SLC35F4: variants seen among roughly 807,000 people sequenced by gnomAD.
SLC35F4 encodes chromosome 14 open reading frame 36.
In SLC35F4, 24 loss-of-function variants were observed where a neutral mutation model predicts 44.2. The observed-to-expected ratio is 0.54, with a 90% CI of 0.39 to 0.76. The LOEUF (loss-of-function observed/expected upper bound fraction) is 0.76, where lower values mean the gene tolerates loss of function less well. Ranked by LOEUF, SLC35F4 falls within the 30% of genes least tolerant of loss-of-function variation. The pLI, the probability that SLC35F4 is intolerant of heterozygous loss-of-function variation, is 0.00. For missense variants in SLC35F4, 562 were observed against 586.1 expected (o/e 0.96, Z 0.42); for synonymous variants, 238 against 223.6 (o/e 1.06, Z -0.57).
intron 1 of SLC35F4, among the ~76,000 whole-genome samples, chr14:57,747,277 C>T (rs2076780171): frequency 6.6e-6 from 1 of 152,150 alleles, no homozygotes; most frequent in South Asian, 2.1e-4. Flanking sequence ...TGCTGGGCTT[C>T]ATGCCATCAG....
At chr14:57,689,603 A>G (rs1172867318) in intron 1 of SLC35F4, among the ~76,000 whole-genome samples, 1 of 152,048 alleles carries the variant, frequency 6.6e-6, no homozygotes, top group East Asian at 1.9e-4. Flanking sequence ...AGAATTTTCA[A>G]TGGCTACCTA....
At chr14:57,733,132 C>T (rs1003377438) in intron 1 of SLC35F4, among the ~76,000 whole-genome samples, 1 of 152,100 alleles carries the variant, frequency 6.6e-6, no homozygotes, top group Non-Finnish European at 1.5e-5. Flanking sequence ...TACTGTTTAG[C>T]TTGGGCACTG....
chr14:57,618,149 C>T (rs1566690278), intron 1 of SLC35F4, among the ~76,000 whole-genome samples: 3 of 152,106 alleles, frequency 2.0e-5, no homozygotes, highest in African/African-American at 7.2e-5. Flanking sequence ...ATGAGTAAAA[C>T]CAATTGATCA....
chr14:57,859,646 G>A (rs539962371), intron 1 of SLC35F4, among the ~76,000 whole-genome samples: 1 of 152,292 alleles, frequency 6.6e-6, no homozygotes, highest in East Asian at 1.9e-4. Flanking sequence ...CATCTGCACT[G>A]TAGGGAAGTA....
At chr14:57,839,598 A>T (rs1404475360) in intron 1 of SLC35F4, among the ~76,000 whole-genome samples, 2 of 152,096 alleles carry the variant, frequency 1.3e-5, no homozygotes, top group Non-Finnish European at 2.9e-5. Context: ...GGGCCTTTTC[A>T]GGGAGGCGGG....
At chr14:57,748,338 G>A (rs1278193840) in intron 1 of SLC35F4, among the ~76,000 whole-genome samples, 1 of 152,038 alleles carries the variant, frequency 6.6e-6, no homozygotes, top group East Asian at 1.9e-4. Flanking sequence ...TTTATCACAT[G>A]TATAGGTTCA....
chr14:57,581,148 G>A, intron 4 of SLC35F4, 66 bp downstream of exon 4: 3 of 1,414,618 alleles, frequency 2.1e-6, no homozygotes, highest in South Asian at 3.4e-5. Context: ...AAGCAGACAG[G>A]CTCTCCTGAA....
At chr14:57,645,743 G>C (rs1192831215) in intron 1 of SLC35F4, among the ~76,000 whole-genome samples, 6 of 151,186 alleles carry the variant, frequency 4.0e-5, no homozygotes, top group Non-Finnish European at 8.9e-5. Context: ...CATTCAGTAT[G>C]ATATTGGCTG....
chr14:57,963,794 T>A (rs1890383044), intron 1 of SLC35F4, among the ~76,000 whole-genome samples: 1 of 149,234 alleles, frequency 6.7e-6, no homozygotes, highest in Non-Finnish European at 1.5e-5. Context: ...GCAATCGTAT[T>A]TCACTGCCAC....
intron 1 of SLC35F4, among the ~76,000 whole-genome samples, chr14:57,904,345 A>T (rs1175366566): frequency 5.3e-5 from 8 of 152,184 alleles, no homozygotes; most frequent in African/African-American, 1.9e-4. Flanking sequence ...CCTAATGAAA[A>T]TTTGGACAGT....
rs142828958 is a variant in SLC35F4, at chr14:57,669,852, G to A, written c.104-75728C>T. On this transcript the variant is annotated intron_variant, in intron 1 of 7. Coordinates refer to ENST00000556826, the MANE Select transcript of SLC35F4 (RefSeq NM_001306087.2). ...GGATGATGCTGGCCTCATAAAATGA[G>A]TTAGGGAGGATTCTCTCTTTTTCTA... Among the ~76,000 whole-genome samples the A allele has an allele frequency of 6.2e-3, 938 of 152,244 alleles. 17 individuals are homozygous for A. The highest frequency in any genetic ancestry group is 0.021 in the African/African-American group (859 of 41,484).
intron 1 of SLC35F4, among the ~76,000 whole-genome samples, chr14:57,660,727 G>A (rs940174958): frequency 3.3e-5 from 5 of 152,076 alleles, no homozygotes; most frequent in Non-Finnish European, 7.4e-5. Flanking sequence ...TGAGCATTCT[G>A]AGAAAAGGCC....
intron 1 of SLC35F4, among the ~76,000 whole-genome samples, chr14:57,821,543 A>T (rs1883178253): frequency 6.6e-6 from 1 of 152,210 alleles, no homozygotes; most frequent in Non-Finnish European, 1.5e-5. Flanking sequence ...GGTGTTAAGG[A>T]GCCTGGAGGA....
rs542854206 is a variant in SLC35F4 at position 57,840,430 on chromosome 14, C to G, written c.103+25293G>C. Among the ~76,000 whole-genome samples, 28 of 152,250 alleles carry G rather than the reference C, an allele frequency of 1.8e-4. No individual in the cohort carries two copies. The South Asian group carries it at 5.6e-3, about 30-fold the overall frequency. On this transcript the variant is annotated intron_variant, in intron 1 of 7. Coordinates refer to ENST00000556826, the MANE Select transcript of SLC35F4 (RefSeq NM_001306087.2). Reference sequence around the variant, plus strand: ...AAGTAGCTGAAAATAGAATGAACAACAAGCTTTGTTACCCAGCAACTTAAT... The same window carrying G: ...AAGTAGCTGAAAATAGAATGAACAAGAAGCTTTGTTACCCAGCAACTTAAT...
chr14:57,566,403 C>T, intron 7 of SLC35F4, 72 bp downstream of exon 7: 6 of 1,421,610 alleles, frequency 4.2e-6, no homozygotes, highest in Non-Finnish European at 4.8e-6. Flanking sequence ...AGGAACAACT[C>T]AGGACACAGA....
chr14:57,859,413 G>A (rs763317626), intron 1 of SLC35F4, among the ~76,000 whole-genome samples: 1 of 152,154 alleles, frequency 6.6e-6, no homozygotes, highest in South Asian at 2.1e-4. Flanking sequence ...GGAATTATGA[G>A]TAATTTTGTT....
At chr14:57,956,019 C>G (rs1425720847) in intron 1 of SLC35F4, among the ~76,000 whole-genome samples, 1 of 152,266 alleles carries the variant, frequency 6.6e-6, no homozygotes, top group Middle Eastern at 3.4e-3. Context: ...CTGGAGGCAT[C>G]ACACTACCTG....
chr14:57,721,065 C>A (rs534897001), intron 1 of SLC35F4, among the ~76,000 whole-genome samples: 41 of 142,106 alleles, frequency 2.9e-4, no homozygotes, highest in Admixed American at 2.1e-4. Context: ...TTAGTTCTGA[C>A]CATCTAGAGA....
intron 1 of SLC35F4, among the ~76,000 whole-genome samples, chr14:57,663,789 C>T (rs921926212): frequency 6.6e-6 from 1 of 152,138 alleles, no homozygotes; most frequent in Non-Finnish European, 1.5e-5. Flanking sequence ...AGGTCAGTAT[C>T]ACTTTTTAGT....
Sources: allele counts gnomAD v4.1 joint callset (sites outside exome capture counted in the v4.1 genomes callset), GRCh38; gene constraint gnomAD v4.1.1; transcripts MANE v1.5; gene names NCBI Gene and HGNC (gene_info 2026-07-23, HGNC 2026-07-21).